Variants in DLGAP2 observed in about 807,000 individuals in gnomAD.
DLGAP2 encodes the protein disks large-associated protein 2.
In DLGAP2, 26 loss-of-function variants were observed where a neutral mutation model predicts 100.3. The observed-to-expected ratio is 0.26, with a 90% CI of 0.19 to 0.36. The LOEUF (loss-of-function observed/expected upper bound fraction) is 0.36. Among genes scored for constraint, DLGAP2 ranks in the 10% least tolerant of loss-of-function variants. DLGAP2 has a pLI of 1.00. For synonymous variants in DLGAP2, 886 were observed against 630.1 expected (o/e 1.41, Z -6.08); for missense variants, 1,858 against 1,453.2 (o/e 1.28, Z -4.53).
At chr8:1,530,799 T>C (rs1800964576) in intron 4 of DLGAP2, among the ~76,000 whole-genome samples, 1 of 152,250 alleles carries the variant, frequency 6.6e-6, no homozygotes. Context: ...ACTCAAATTG[T>C]TGTGGTGATT....
chr8:1,326,847 G>T (rs1801033690), intron 3 of DLGAP2, among the ~76,000 whole-genome samples: 1 of 152,108 alleles, frequency 6.6e-6, no homozygotes, highest in South Asian at 2.1e-4. Context: ...CCTCCCTTTG[G>T]TGTTGTAGTA....
At chr8:1,352,952 C>G (rs1034796986) in intron 3 of DLGAP2, among the ~76,000 whole-genome samples, 4 of 152,180 alleles carry the variant, frequency 2.6e-5, no homozygotes, top group Non-Finnish European at 5.9e-5. Context: ...TTGACTGTTC[C>G]AGAGCTCTGA....
chr8:922,063 G>A (rs1254439317), intron 2 of DLGAP2, among the ~76,000 whole-genome samples: 2 of 152,236 alleles, frequency 1.3e-5, no homozygotes, highest in Admixed American at 6.5e-5. Context: ...TGCCGTGTGC[G>A]CAGTTGGCGC....
chr8:1,619,669 TTATACTTGTA>T (rs1324435096), intron 6 of DLGAP2: 1 of 152,232 alleles, frequency 6.6e-6, no homozygotes, highest in Non-Finnish European at 1.5e-5. Flanking sequence ...TCACCATGTA[TTATACTTGTA>T]TTGCATGTAA....
intron 2 of DLGAP2, among the ~76,000 whole-genome samples, chr8:1,228,141 T>C (rs1352080255): frequency 6.6e-6 from 1 of 151,466 alleles, no homozygotes; most frequent in African/African-American, 2.4e-5. Flanking sequence ...GATGAGTTAA[T>C]GGGTGCAGCA....
chr8:739,979 T>G (rs984986500), intron 1 of DLGAP2: 1 of 152,210 alleles, frequency 6.6e-6, no homozygotes, highest in Non-Finnish European at 1.5e-5. Flanking sequence ...GCGTGGGATC[T>G]GCTCTCAGTG....
At chr8:1,480,745 A>C (rs1799068055) in intron 3 of DLGAP2, among the ~76,000 whole-genome samples, 1 of 151,910 alleles carries the variant, frequency 6.6e-6, no homozygotes, top group African/African-American at 2.4e-5. Flanking sequence ...GTATGCCTAT[A>C]ATCCCAGCTG....
intron 2 of DLGAP2, among the ~76,000 whole-genome samples, chr8:1,119,433 A>G (rs1157846897): frequency 6.6e-6 from 1 of 152,204 alleles, no homozygotes; most frequent in Non-Finnish European, 1.5e-5. Context: ...ATTCCATGAC[A>G]CCAAGAACAT....
chr8:1,346,073 G>C (rs975983811), intron 3 of DLGAP2, among the ~76,000 whole-genome samples: 4 of 152,234 alleles, frequency 2.6e-5, no homozygotes, highest in African/African-American at 9.6e-5. Context: ...TGGCTGAGTG[G>C]AGGTTGAGTG....
chr8:811,593 T>C (rs1796371206), intron 1 of DLGAP2, among the ~76,000 whole-genome samples: 1 of 146,296 alleles, frequency 6.8e-6, no homozygotes, highest in African/African-American at 2.6e-5. Flanking sequence ...CCTGCCATGG[T>C]GAGAGGCCAC....
intron 3 of DLGAP2, among the ~76,000 whole-genome samples, chr8:1,338,618 A>C (rs1300770970): frequency 1.3e-5 from 2 of 152,242 alleles, no homozygotes; most frequent in African/African-American, 2.4e-5. Flanking sequence ...TGAAAGAGTA[A>C]ATTTTATATC....
chr8:1,560,002 C>G (rs1802105991), intron 5 of DLGAP2, among the ~76,000 whole-genome samples: 1 of 152,212 alleles, frequency 6.6e-6, no homozygotes, highest in Non-Finnish European at 1.5e-5. Flanking sequence ...CCTGATGATG[C>G]TACCACTCAT....
Position 816,234 on chromosome 8 carries a change from C to G in DLGAP2, c.18+78409C>G, listed in dbSNP as rs142884766. ...AATGTTAGTATTGAGATGTGAGATA[C>G]TATTCCATTCATCATGCTATTTGTT... On this transcript the variant is annotated intron_variant, in intron 1 of 14. Transcript: ENST00000637795. Among the ~76,000 whole-genome samples, 880 of 149,352 alleles carry G rather than the reference C, an allele frequency of 5.9e-3. 5 individuals are homozygous for G. The highest frequency in any genetic ancestry group is 8.2e-3 in the Admixed American group (122 of 14,926).
intron 13 of DLGAP2, 26 bp from the exon 14 acceptor site, chr8:1,697,121 T>C (rs1382394660): frequency 1.3e-6 from 2 of 1,519,512 alleles, no homozygotes; most frequent in Admixed American, 4.3e-5. Flanking sequence ...CTCTCCTGGC[T>C]CTGAACACCC....
intron 3 of DLGAP2, among the ~76,000 whole-genome samples, chr8:1,408,143 ACT>A (rs1481712869): frequency 2.6e-5 from 4 of 152,136 alleles, no homozygotes; most frequent in Non-Finnish European, 1.5e-5. Context: ...TCTCTGGCTC[ACT>A]CTTTCTTTCC....
chr8:1,676,492 C>T lies in DLGAP2; in HGVS notation c.2203-41C>T, dbSNP rs767156984. On this transcript the variant is annotated intron_variant, in intron 10 of 14. Transcript: ENST00000637795. ...ACAAAATAGTCCCTTGCCCAGGCCC[C>T]ATGTTTCAGTTCTAAAATAAGACGT... The T allele has an allele frequency of 1.1e-5, 18 of 1,584,942 alleles. No homozygotes were observed. In the East Asian group the frequency reaches 4.1e-4, roughly 36 times the overall value.
intron 5 of DLGAP2, among the ~76,000 whole-genome samples, chr8:1,557,387 C>A (rs531522855): frequency 6.6e-6 from 1 of 152,214 alleles, no homozygotes; most frequent in African/African-American, 2.4e-5. Context: ...ATGGACGTGC[C>A]GATGGCCACG....
intron 3 of DLGAP2, among the ~76,000 whole-genome samples, chr8:1,342,686 AT>A (rs1424761493): frequency 2.6e-5 from 4 of 152,172 alleles, no homozygotes; most frequent in Admixed American, 2.6e-4. Context: ...CTAACTTTAT[AT>A]TCCTCTCTTA....
In DLGAP2 at chr8:949,018, C is replaced by A. The variant is rs567041688; in HGVS notation, c.73+41052C>A. ...GTGGGAGCAGGACCTGTCGGGGTGGCTGCCGCCATCTTGAGGGGACGCCAG... is the reference window on the plus strand; with the variant it reads ...GTGGGAGCAGGACCTGTCGGGGTGGATGCCGCCATCTTGAGGGGACGCCAG... On this transcript the variant is annotated intron_variant, in intron 2 of 14. Coordinates refer to ENST00000637795, the MANE Select transcript of DLGAP2 (RefSeq NM_001346810.2). Among the ~76,000 whole-genome samples the A allele has an allele frequency of 3.3e-5, 5 of 151,602 alleles. No homozygotes were observed. In the East Asian group the frequency reaches 9.7e-4, roughly 30 times the overall value.
Sources: allele counts gnomAD v4.1 joint callset (sites outside exome capture counted in the v4.1 genomes callset), GRCh38; gene constraint gnomAD v4.1.1; transcripts MANE v1.5; gene names NCBI Gene and HGNC (gene_info 2026-07-23, HGNC 2026-07-21).